Variants in FRMD4A observed in about 807,000 individuals in gnomAD.
FRMD4A encodes FERM domain containing 4A.
In FRMD4A, 29 loss-of-function variants were observed where a neutral mutation model predicts 129.1. The observed-to-expected ratio is 0.22, with a 90% confidence interval of 0.17 to 0.31. FRMD4A has a LOEUF of 0.31. FRMD4A is among the 10% of genes least tolerant of loss of function. FRMD4A has a pLI of 1.00. For missense variants in FRMD4A, 1,272 were observed against 1,375.8 expected (o/e 0.92, Z 1.19); for synonymous variants, 634 against 571.6 (o/e 1.11, Z -1.56).
intron 3 of FRMD4A, among the ~76,000 whole-genome samples, chr10:13,837,726 T>A (rs988884190): frequency 6.6e-6 from 1 of 152,234 alleles, no homozygotes; most frequent in African/African-American, 2.4e-5. Flanking sequence ...TATTGTACCA[T>A]CATGCACTAC....
intron 2 of FRMD4A, among the ~76,000 whole-genome samples, chr10:13,925,816 C>G (rs1565051140): frequency 1.3e-5 from 2 of 150,918 alleles, no homozygotes; most frequent in Admixed American, 6.6e-5. Context: ...ATCTCCTGAC[C>G]TCGTGATCTG....
intron 8 of FRMD4A, chr10:13,755,989 G>A (rs1228497769): frequency 6.6e-6 from 1 of 152,216 alleles, no homozygotes; most frequent in Admixed American, 6.5e-5. Flanking sequence ...GCAAAACGTG[G>A]ACCAAGAATC....
intron 8 of FRMD4A, among the ~76,000 whole-genome samples, chr10:13,760,891 A>C (rs943484546): frequency 7.4e-6 from 1 of 134,510 alleles, no homozygotes; most frequent in African/African-American, 2.8e-5. Context: ...TTTTCAGAGG[A>C]GCTTGATCAA....
chr10:14,136,548 C>G (rs968065683), intron 2 of FRMD4A, among the ~76,000 whole-genome samples: 6 of 152,044 alleles, frequency 3.9e-5, no homozygotes, highest in South Asian at 2.1e-4. Context: ...TCCTCTACCC[C>G]CCAACCCCAC....
At chr10:14,298,398 G>A (rs1846078059) in intron 2 of FRMD4A, among the ~76,000 whole-genome samples, 2 of 152,016 alleles carry the variant, frequency 1.3e-5, no homozygotes, top group South Asian at 4.1e-4. Flanking sequence ...AAAGCACAAT[G>A]AAAAAAACAA....
chr10:14,129,140 T>C (rs1015787458), intron 2 of FRMD4A, among the ~76,000 whole-genome samples: 1 of 151,818 alleles, frequency 6.6e-6, no homozygotes, highest in African/African-American at 2.4e-5. Flanking sequence ...AATCAACCTT[T>C]CCATGAACAG....
intron 2 of FRMD4A, among the ~76,000 whole-genome samples, chr10:14,199,766 C>G (rs1045323301): frequency 7.2e-6 from 1 of 138,452 alleles, no homozygotes; most frequent in African/African-American, 2.5e-5. Context: ...TAATCTTAAT[C>G]TTTCATTCTT....
At position 14,021,792 on chromosome 10, in the gene FRMD4A, C is replaced by T. The variant is rs545133053; in HGVS notation, c.46-162880G>A. 3.9e-5 allele frequency among the ~76,000 whole-genome samples: 6 copies of T among 151,994 alleles called. No individual in the cohort carries two copies. In the East Asian group the frequency reaches 5.8e-4, roughly 15 times the overall value. On this transcript the variant is annotated intron_variant, in intron 2 of 24. Transcript: ENST00000357447. ...TTTTATGGACTTTTGTGCACCTCAC[C>T]GATATCTTACAATAACAAATTACAA...
At chr10:14,081,714 G>T (rs1249773150) in intron 2 of FRMD4A, among the ~76,000 whole-genome samples, 1 of 152,050 alleles carries the variant, frequency 6.6e-6, no homozygotes, top group Non-Finnish European at 1.5e-5. Context: ...TTCTTGTTTT[G>T]ATCCCTGCTG....
chr10:13,891,784 C>G, intron 2 of FRMD4A: 1 of 972,920 alleles, frequency 1.0e-6, no homozygotes, highest in Non-Finnish European at 1.2e-6. Flanking sequence ...CGCCGCCGCC[C>G]CCGCCGCGGG....
At chr10:14,162,102 AT>A (rs914815179) in intron 2 of FRMD4A, among the ~76,000 whole-genome samples, 26 of 151,832 alleles carry the variant, frequency 1.7e-4, no homozygotes, top group Admixed American at 9.8e-4. Context: ...AAATTAAGGT[AT>A]TTTTTATATA....
At chr10:13,980,340 G>C (rs1021929270) in intron 2 of FRMD4A, among the ~76,000 whole-genome samples, 5 of 152,136 alleles carry the variant, frequency 3.3e-5, no homozygotes, top group African/African-American at 1.2e-4. Context: ...CAGCATGACT[G>C]TGGTAAAAAC....
intron 2 of FRMD4A, among the ~76,000 whole-genome samples, chr10:13,884,146 T>TCACACACACA (rs1352304619): frequency 3.0e-5 from 3 of 99,280 alleles, no homozygotes; most frequent in African/African-American, 4.2e-5. Context: ...ACACACACTC[T>TCACACACACA]CACACACTCT....
At chr10:14,306,447 T>TA (rs1416179346) in intron 2 of FRMD4A, among the ~76,000 whole-genome samples, 1 of 152,226 alleles carries the variant, frequency 6.6e-6, no homozygotes, top group Admixed American at 6.5e-5. Context: ...ATGCTTATAA[T>TA]ACAGCAAACA....
intron 12 of FRMD4A, chr10:13,707,418 A>G: frequency 2.8e-6 from 3 of 1,075,618 alleles, no homozygotes; most frequent in Non-Finnish European, 2.3e-6. Context: ...GGCAGTCCCC[A>G]GCTTGGCAGA....
intron 2 of FRMD4A, among the ~76,000 whole-genome samples, chr10:13,884,119 C>CAT (rs1456912598): frequency 8.9e-6 from 1 of 112,620 alleles, no homozygotes; most frequent in Non-Finnish European, 1.8e-5. Context: ...CACACACACA[C>CAT]ACTCACACAC....
rs558094422 is a variant in FRMD4A at position 13,744,249 on chromosome 10, A to C, written c.548+3487T>G. Among the ~76,000 whole-genome samples, 4 of 152,214 alleles carry C rather than the reference A, an allele frequency of 2.6e-5. No homozygotes were observed. In the South Asian group the frequency reaches 8.3e-4, roughly 32 times the overall value. ...GGTGGTCAGGTGGTCCAGCATTTAC[A>C]AACTAGGCCCGCGAGGCAGAATCCA... is the stretch of plus-strand genomic sequence containing the variant. On this transcript the variant is annotated intron_variant, in intron 9 of 24. Coordinates refer to ENST00000357447, the MANE Select transcript of FRMD4A (RefSeq NM_018027.5).
intron 2 of FRMD4A, among the ~76,000 whole-genome samples, chr10:14,009,172 C>T (rs2095672481): frequency 6.6e-6 from 1 of 152,196 alleles, no homozygotes. Flanking sequence ...CATAAATGGT[C>T]TCAAACGTTA....
At chr10:14,080,848 A>T (rs560272498) in intron 2 of FRMD4A, among the ~76,000 whole-genome samples, 2 of 151,764 alleles carry the variant, frequency 1.3e-5, no homozygotes, top group African/African-American at 4.8e-5. Context: ...TAAGGAACTG[A>T]TCTCCAGGAG....
Sources: allele counts gnomAD v4.1 joint callset (sites outside exome capture counted in the v4.1 genomes callset), GRCh38; gene constraint gnomAD v4.1.1; transcripts MANE v1.5; gene names NCBI Gene and HGNC (gene_info 2026-07-23, HGNC 2026-07-21).